GRB10: variants seen among roughly 807,000 people sequenced by gnomAD.
GRB10 encodes the protein growth factor receptor bound protein 10.
A neutral mutation model predicts 80.9 loss-of-function variants in GRB10; 20 were observed. The ratio of observed to expected loss-of-function variants is 0.25; its 90% confidence interval spans 0.17 to 0.36. GRB10 has a LOEUF of 0.36. GRB10 is among the 10% of genes least tolerant of loss of function. GRB10 has a pLI of 1.00. For missense variants in GRB10, 548 were observed against 747.7 expected (o/e 0.73, Z 3.12); for synonymous variants, 291 against 291.5 (o/e 1.00, Z 0.02).
chr7:50,670,345 G>T (rs2153637054), intron 6 of GRB10, among the ~76,000 whole-genome samples: 1 of 152,214 alleles, frequency 6.6e-6, no homozygotes, highest in East Asian at 1.9e-4. Context: ...AAGTTCTGGA[G>T]ATTGTACAAC....
intron 7 of GRB10, among the ~76,000 whole-genome samples, chr7:50,657,373 G>T (rs1471725393): frequency 6.6e-6 from 1 of 152,116 alleles, no homozygotes; most frequent in East Asian, 1.9e-4. Context: ...TCGAGTGTCT[G>T]TGATGTTCCC....
chr7:50,763,653 C>A (rs534515474), intron 2 of GRB10, among the ~76,000 whole-genome samples: 3 of 152,352 alleles, frequency 2.0e-5, no homozygotes, highest in Admixed American at 2.0e-4. Flanking sequence ...GTTCATGGCA[C>A]CCACCAAACT....
intron 5 of GRB10, among the ~76,000 whole-genome samples, chr7:50,694,099 A>G (rs2063153446): frequency 1.3e-5 from 2 of 152,116 alleles, no homozygotes; most frequent in African/African-American, 4.8e-5. Flanking sequence ...CAGCACGGAC[A>G]GATCACCCAA....
intron 3 of GRB10, among the ~76,000 whole-genome samples, chr7:50,740,650 T>A (rs960408897): frequency 1.3e-5 from 2 of 151,380 alleles, no homozygotes; most frequent in African/African-American, 4.8e-5. Context: ...ATATTTACAT[T>A]CTAAGCCATA....
At chr7:50,608,964 C>CAA (rs60832218) in intron 13 of GRB10, among the ~76,000 whole-genome samples, 13 of 100,338 alleles carry the variant, frequency 1.3e-4, no homozygotes, top group Non-Finnish European at 1.8e-4. Flanking sequence ...GACCCTGACT[C>CAA]AAAAAAAAAA....
At chr7:50,692,804 G>T (rs1295298366) in intron 5 of GRB10, among the ~76,000 whole-genome samples, 2 of 152,040 alleles carry the variant, frequency 1.3e-5, no homozygotes, top group Non-Finnish European at 2.9e-5. Flanking sequence ...AATAATGCTC[G>T]CAACAGGCAG....
intron 5 of GRB10, among the ~76,000 whole-genome samples, chr7:50,677,664 T>C (rs1430819864): frequency 2.6e-5 from 4 of 152,226 alleles, no homozygotes; most frequent in Non-Finnish European, 4.4e-5. Context: ...AGCTGCTTAA[T>C]TGAAGCTCTG....
chr7:50,738,227 C>G (rs1432856436), intron 3 of GRB10, among the ~76,000 whole-genome samples: 3 of 152,138 alleles, frequency 2.0e-5, no homozygotes, highest in Non-Finnish European at 4.4e-5. Flanking sequence ...AAATATTAAA[C>G]ATAGAATTAA....
At chr7:50,740,116 T>C (rs1442014374) in intron 3 of GRB10, among the ~76,000 whole-genome samples, 3 of 152,206 alleles carry the variant, frequency 2.0e-5, no homozygotes, top group Non-Finnish European at 2.9e-5. Context: ...TTTTACTGCA[T>C]TCCTTAGGAA....
At chr7:50,765,860 T>C (rs1433908984) in intron 2 of GRB10, among the ~76,000 whole-genome samples, 4 of 152,214 alleles carry the variant, frequency 2.6e-5, no homozygotes, top group African/African-American at 9.6e-5. Context: ...AAGACAAATA[T>C]TTAAGGTGGT....
intron 15 of GRB10, 113 bp from the exon 16 acceptor site, chr7:50,604,490 A>G (rs1018768659): frequency 2.3e-6 from 2 of 885,602 alleles, no homozygotes; most frequent in East Asian, 4.8e-5. Context: ...TGGGCTCACA[A>G]GGGACCTTGC....
chr7:50,618,062 G>A lies in GRB10; in HGVS notation c.846+9C>T. The A allele has an allele frequency of 6.2e-7, 1 of 1,604,280 alleles. No homozygotes were observed. Among genetic ancestry groups the A allele is most frequent in the Non-Finnish European group, 8.5e-7 (1 of 1,171,030 alleles). ...TCTATTTCAGCAGAGATCTATTGTGGCCCAGTACCTGCAAAAGCTGGGTTT... is the reference window on the plus strand; with the variant it reads ...TCTATTTCAGCAGAGATCTATTGTGACCCAGTACCTGCAAAAGCTGGGTTT... On this transcript the variant is annotated intron_variant, in intron 10 of 18. Transcript: ENST00000401949.
chr7:50,710,205 G>T (rs2065679523), intron 4 of GRB10, among the ~76,000 whole-genome samples: 1 of 152,084 alleles, frequency 6.6e-6, no homozygotes, highest in African/African-American at 2.4e-5. Context: ...CCTCTCCCCA[G>T]AAACGGGCCT....
At chr7:50,671,459 C>T (rs1486366765) in intron 6 of GRB10, among the ~76,000 whole-genome samples, 1 of 152,198 alleles carries the variant, frequency 6.6e-6, no homozygotes, top group Non-Finnish European at 1.5e-5. Flanking sequence ...CCCACGTAGA[C>T]CAGCAAATGA....
intron 3 of GRB10, among the ~76,000 whole-genome samples, chr7:50,751,305 A>G (rs2074067444): frequency 6.6e-6 from 1 of 152,224 alleles, no homozygotes. Flanking sequence ...AGATACAGAA[A>G]GAAAGCAATC....
chr7:50,642,386 T>C (rs2056416423), intron 7 of GRB10, among the ~76,000 whole-genome samples: 1 of 152,090 alleles, frequency 6.6e-6, no homozygotes, highest in Admixed American at 6.6e-5. Flanking sequence ...CACCTACATA[T>C]ATGTAAACAC....
chr7:50,772,011 CAT>C (rs1267660308), intron 2 of GRB10, among the ~76,000 whole-genome samples: 1 of 152,184 alleles, frequency 6.6e-6, no homozygotes, highest in East Asian at 1.9e-4. Context: ...TTGAATGGCA[CAT>C]GTGTCCCCTA....
intron 18 of GRB10, among the ~76,000 whole-genome samples, chr7:50,593,716 A>G (rs2046139634): frequency 6.6e-6 from 1 of 152,194 alleles, no homozygotes; most frequent in Admixed American, 6.5e-5. Flanking sequence ...TTTCAGTTGG[A>G]TGACTGTAGT....
chr7:50,697,420 T>C (rs2063579518), intron 5 of GRB10, among the ~76,000 whole-genome samples: 2 of 152,176 alleles, frequency 1.3e-5, no homozygotes, highest in African/African-American at 4.8e-5. Context: ...CTAAGAAATG[T>C]GGGATGCATT....
Sources: allele counts gnomAD v4.1 joint callset (sites outside exome capture counted in the v4.1 genomes callset), GRCh38; gene constraint gnomAD v4.1.1; transcripts MANE v1.5; gene names NCBI Gene and HGNC (gene_info 2026-07-23, HGNC 2026-07-21).